The following PTPRN2 variants were observed in gnomAD, a reference collection of about 807,000 sequenced individuals.
PTPRN2 encodes the protein protein tyrosine phosphatase receptor type N2.
Under a neutral mutation model 118.8 loss-of-function variants are expected in PTPRN2, and 74 were observed. That is an observed-to-expected ratio of 0.62 (90% CI 0.52 to 0.76). The LOEUF is 0.76. Ranked by LOEUF, PTPRN2 falls within the 30% of genes least tolerant of loss-of-function variation. The probability of loss-of-function intolerance (pLI) is 0.00; values close to 1 mark genes in which losing one functional copy is unlikely to be tolerated. For synonymous variants in PTPRN2, 641 were observed against 608.0 expected, an observed-to-expected ratio of 1.05 and a Z score of -0.80; for missense variants, 1,481 against 1,394.4, an observed-to-expected ratio of 1.06 and a Z score of -0.99.
intron 3 of PTPRN2, among the ~76,000 whole-genome samples, chr7:158,241,030 AG>A (rs767047379): frequency 5.3e-5 from 8 of 152,190 alleles, no homozygotes; most frequent in Non-Finnish European, 1.2e-4. Context: ...CCTCAGGCCC[AG>A]GGCCCCCTGT....
rs987224511 is a variant in PTPRN2, at chr7:157,610,536, G to A, written c.2345-6461C>T. Among the ~76,000 whole-genome samples, 8 of 152,298 alleles carry A rather than the reference G, an allele frequency of 5.3e-5. No homozygotes were observed. The East Asian group carries it at 1.2e-3, about 22-fold the overall frequency. ...CTGCTCCGAGTTTATGGTGTCCATC[G>A]AGGTCTGAGGGCTGCAAAGGCACAT... On this transcript the variant is annotated intron_variant, in intron 15 of 22. Coordinates refer to ENST00000389418, the MANE Select transcript of PTPRN2 (RefSeq NM_002847.5). This position sits in a 1 kb window ranked among gnomAD's most constrained non-coding sequence, Gnocchi z 5.1.
At chr7:158,169,694 A>AC (rs1823365083) in intron 5 of PTPRN2, among the ~76,000 whole-genome samples, 1 of 146,016 alleles carries the variant, frequency 6.8e-6, no homozygotes. Flanking sequence ...TATCTCTAAG[A>AC]TTTTTTTTTT....
chr7:157,590,594 C>T lies in PTPRN2; in HGVS notation c.2496+4644G>A, dbSNP rs576812589. ...GTGACCCTCCGTGGATTTTCGTGCACGTTCTGGGCTCTGCTCAGGGACGCA... is the reference window on the plus strand; with the variant it reads ...GTGACCCTCCGTGGATTTTCGTGCATGTTCTGGGCTCTGCTCAGGGACGCA... On this transcript the variant is annotated intron_variant, in intron 17 of 22. Transcript: ENST00000389418. This position sits in a 1 kb window ranked among gnomAD's most constrained non-coding sequence, Gnocchi z 4.0. Among the ~76,000 whole-genome samples, 4 of 152,326 alleles carry T rather than the reference C, an allele frequency of 2.6e-5. No individual in the cohort carries two copies. Among genetic ancestry groups the T allele is most frequent in the South Asian group, 2.1e-4 (1 of 4,830 alleles).
At chr7:158,294,793 C>T (rs1266572398) in intron 3 of PTPRN2, among the ~76,000 whole-genome samples, 2 of 152,238 alleles carry the variant, frequency 1.3e-5, no homozygotes, top group Non-Finnish European at 2.9e-5. Context: ...AGGGTCCAAG[C>T]CCACGGCACC....
intron 5 of PTPRN2, among the ~76,000 whole-genome samples, chr7:158,173,972 T>C (rs942615652): frequency 1.3e-4 from 20 of 152,198 alleles, no homozygotes; most frequent in African/African-American, 4.8e-4. Flanking sequence ...TTTTACAGTT[T>C]GTACCATTAA....
At position 158,263,539 on chromosome 7, in the gene PTPRN2, C is replaced by G. The variant is rs552316068; in HGVS notation, c.277+53280G>C. ...GGCAGGCCCATCAGCATCTGCTCAG[C>G]TTGCTCTGGAGGACTTTGCCCCACC... On this transcript the variant is annotated intron_variant, in intron 3 of 22. Coordinates refer to ENST00000389418, the MANE Select transcript of PTPRN2 (RefSeq NM_002847.5). Among the ~76,000 whole-genome samples, 69 of 152,374 alleles carry G rather than the reference C, an allele frequency of 4.5e-4. 1 individual carries two copies. Among genetic ancestry groups the G allele is most frequent in the African/African-American group, 1.3e-3 (54 of 41,588 alleles).
intron 3 of PTPRN2, among the ~76,000 whole-genome samples, chr7:158,236,397 C>T (rs567940331): frequency 5.9e-5 from 9 of 152,212 alleles, no homozygotes; most frequent in Non-Finnish European, 7.4e-5. Context: ...CTCTAGCCAC[C>T]GTGCTCATTC....
At chr7:158,483,343 A>G (rs1195072733) in intron 2 of PTPRN2, among the ~76,000 whole-genome samples, 1 of 152,188 alleles carries the variant, frequency 6.6e-6, no homozygotes, top group Non-Finnish European at 1.5e-5. Flanking sequence ...TGAAAGCATG[A>G]TTCATTTATT....
chr7:158,441,670 GTGA>G (rs1817271184), intron 2 of PTPRN2, among the ~76,000 whole-genome samples: 5 of 147,902 alleles, frequency 3.4e-5, no homozygotes, highest in Admixed American at 6.7e-5. Context: ...GATGGTGATG[GTGA>G]TCAGTGATGG....
At chr7:158,130,126 C>G in intron 9 of PTPRN2, among the ~76,000 whole-genome samples, 1 of 152,142 alleles carries the variant, frequency 6.6e-6, no homozygotes, top group South Asian at 2.1e-4. Flanking sequence ...ATATTTCTGC[C>G]CAATTATGAT....
intron 12 of PTPRN2, among the ~76,000 whole-genome samples, chr7:157,793,829 T>C (rs1804679746): frequency 6.6e-6 from 1 of 152,042 alleles, no homozygotes; most frequent in African/African-American, 2.4e-5. Context: ...GAAGCAGTAA[T>C]CTCCTGACCT....
chr7:158,299,302 T>A (rs1194666822), intron 3 of PTPRN2, among the ~76,000 whole-genome samples: 1 of 147,646 alleles, frequency 6.8e-6, no homozygotes, highest in Non-Finnish European at 1.5e-5. Context: ...AGGAAGCAAT[T>A]TTTTTTTTTT....
intron 12 of PTPRN2, among the ~76,000 whole-genome samples, chr7:157,731,818 T>C (rs79868601): frequency 1.9e-5 from 2 of 102,912 alleles, no homozygotes; most frequent in Admixed American, 2.0e-4. Context: ...TTCCGCCCCA[T>C]GCGCCCAGCA....
chr7:157,571,372 G>T, intron 20 of PTPRN2, 68 bp downstream of exon 20: 1 of 1,218,270 alleles, frequency 8.2e-7, no homozygotes, highest in Non-Finnish European at 1.2e-6. Context: ...TTAAGCTTCT[G>T]TATTTAATTG....
intron 2 of PTPRN2, among the ~76,000 whole-genome samples, chr7:158,329,885 T>C (rs1804018580): frequency 6.6e-6 from 1 of 152,044 alleles, no homozygotes; most frequent in South Asian, 2.1e-4. Context: ...ACTGAGAAAA[T>C]GCGGTCACCA....
intron 1 of PTPRN2, among the ~76,000 whole-genome samples, chr7:158,568,174 GC>G (rs1257818370): frequency 3.9e-5 from 6 of 152,044 alleles, no homozygotes; most frequent in Non-Finnish European, 7.4e-5. Flanking sequence ...AATCGCTTGA[GC>G]CCTGGAGGCA....
chr7:157,705,081 G>A (rs550389604), intron 12 of PTPRN2, among the ~76,000 whole-genome samples: 40 of 152,258 alleles, frequency 2.6e-4, no homozygotes, highest in South Asian at 8.3e-4. Context: ...CCCAGGGGGC[G>A]GATCACGAGG....
chr7:157,950,769 T>G (rs947406366), intron 11 of PTPRN2, among the ~76,000 whole-genome samples: 6 of 152,126 alleles, frequency 3.9e-5, no homozygotes, highest in Non-Finnish European at 4.4e-5. Context: ...CCATATCGGA[T>G]GCTGGAAGCT....
intron 11 of PTPRN2, among the ~76,000 whole-genome samples, chr7:158,039,139 C>A (rs1408949159): frequency 6.6e-6 from 1 of 152,122 alleles, no homozygotes; most frequent in Non-Finnish European, 1.5e-5. Context: ...ACTGTAATAC[C>A]ATGCCATAGT....
Sources: allele counts gnomAD v4.1 joint callset (sites outside exome capture counted in the v4.1 genomes callset), GRCh38; gene constraint gnomAD v4.1.1; non-coding constraint Gnocchi (gnomAD v3.1); transcripts MANE v1.5; gene names NCBI Gene and HGNC (gene_info 2026-07-23, HGNC 2026-07-21).